RMDN1: variants seen among roughly 807,000 people sequenced by gnomAD.
RMDN1 encodes regulator of microtubule dynamics protein 1.
A neutral mutation model predicts 48.9 loss-of-function variants in RMDN1; 48 were observed. The ratio of observed to expected loss-of-function variants is 0.98; its 90% CI spans 0.78 to 1.25. The LOEUF (loss-of-function observed/expected upper bound fraction) is 1.25, where lower values mean the gene tolerates loss of function less well. Ranked by LOEUF, RMDN1 falls within the 50% of genes most tolerant of loss-of-function variation. RMDN1 has a pLI of 0.00. For synonymous variants in RMDN1, 148 were observed against 132.6 expected, an observed-to-expected ratio of 1.12 and a Z score of -0.80; for missense variants, 418 against 373.4, an observed-to-expected ratio of 1.12 and a Z score of -0.98.
At chr8:86,497,444 TG>T (rs1180998528) in intron 2 of RMDN1, among the ~76,000 whole-genome samples, 1 of 152,198 alleles carries the variant, frequency 6.6e-6, no homozygotes, top group African/African-American at 2.4e-5. Context: ...GGCACATGCC[TG>T]TAATCCTAGC....
At chr8:86,496,948 A>G (rs9942823) in intron 2 of RMDN1, among the ~76,000 whole-genome samples, 40,185 of 152,036 alleles carry the variant, frequency 0.26, 6,198 homozygotes, top group East Asian at 0.53. Context: ...GCACTCTCTC[A>G]GATCACAGCT....
intron 2 of RMDN1, among the ~76,000 whole-genome samples, chr8:86,501,790 T>C (rs1001204027): frequency 7.9e-5 from 12 of 152,166 alleles, no homozygotes; most frequent in African/African-American, 2.9e-4. Flanking sequence ...AACTATTTTA[T>C]AAGGCTGCTG....
At chr8:86,491,367 C>T (rs1416382305) in intron 2 of RMDN1, among the ~76,000 whole-genome samples, 1 of 151,978 alleles carries the variant, frequency 6.6e-6, no homozygotes, top group Admixed American at 6.5e-5. Flanking sequence ...ATGTCTTGAC[C>T]TCGTGGTCTG....
chr8:86,474,768 A>G, intron 9 of RMDN1, 52 bp downstream of exon 9: 1 of 1,543,154 alleles, frequency 6.5e-7, no homozygotes. Context: ...TTAATTCACC[A>G]TTTAATAGTG....
intron 2 of RMDN1, chr8:86,505,030 G>A (rs1819075852): frequency 2.0e-6 from 3 of 1,479,024 alleles, no homozygotes; most frequent in Admixed American, 1.9e-5. Context: ...GAGATGAACA[G>A]CATCCAGGCT....
At chr8:86,506,417 T>C (rs929130628) in intron 2 of RMDN1, among the ~76,000 whole-genome samples, 1 of 152,204 alleles carries the variant, frequency 6.6e-6, no homozygotes, top group African/African-American at 2.4e-5. Context: ...CATGTCACTG[T>C]GGTCCTATGC....
chr8:86,503,375 A>AAAC (rs1554594041), intron 2 of RMDN1, among the ~76,000 whole-genome samples: 2 of 87,184 alleles, frequency 2.3e-5, no homozygotes, highest in African/African-American at 1.6e-4. Flanking sequence ...ACAAAACAAA[A>AAAC]AAAAAAAAAA....
Position 86,486,604 on chromosome 8 carries a change from T to G in RMDN1, c.375A>C (p.Ser125=). The change falls in exon 4 of 10, where the codon TCA becomes TCC. Residue 125 remains serine (S), a synonymous_variant. Transcript: ENST00000406452. ...TTCTGCTAAGCTGAGCTACATCACG[T>G]GATGCCCGTGCCAAACGCCACAGTA... ...AELLWRLARA[S]RDVAQLSRTS... 1 of 1,608,602 alleles carries G rather than the reference T, an allele frequency of 6.2e-7. No individual in the cohort carries two copies. The highest frequency in any genetic ancestry group is 2.2e-5 in the East Asian group (1 of 44,820).
intron 2 of RMDN1, chr8:86,504,994 A>G (rs1218136986): frequency 6.8e-7 from 1 of 1,467,118 alleles, no homozygotes; most frequent in African/African-American, 1.4e-5. Context: ...CATGGTGCAG[A>G]TAGATCTGGG....
upstream of RMDN1, among the ~76,000 whole-genome samples, chr8:86,510,618 G>C (rs903676689): frequency 1.3e-5 from 2 of 152,190 alleles, no homozygotes; most frequent in African/African-American, 4.8e-5. Context: ...GCAACATCAA[G>C]AGAGATGATG....
intron 9 of RMDN1, chr8:86,474,607 T>C (rs1185735518): frequency 2.8e-6 from 2 of 720,834 alleles, no homozygotes; most frequent in Non-Finnish European, 5.0e-6. Flanking sequence ...AATTCTGCAT[T>C]GTAGCAGGCA....
chr8:86,471,657 G>A (rs917288162), downstream of RMDN1, among the ~76,000 whole-genome samples: 6 of 152,072 alleles, frequency 3.9e-5, no homozygotes, highest in Non-Finnish European at 5.9e-5. Context: ...TGTAAAATAA[G>A]GGATATGGAA....
At chr8:86,496,671 T>C (rs1817400897) in intron 2 of RMDN1, among the ~76,000 whole-genome samples, 1 of 152,174 alleles carries the variant, frequency 6.6e-6, no homozygotes, top group Non-Finnish European at 1.5e-5. Flanking sequence ...CAAAGAGACT[T>C]AGATAACCAC....
chr8:86,504,464 G>GA, intron 2 of RMDN1: 1 of 1,555,362 alleles, frequency 6.4e-7, no homozygotes, highest in Non-Finnish European at 8.9e-7. Flanking sequence ...TACTCAACAG[G>GA]AATCTTCAAG....
intron 9 of RMDN1, 79 bp from the exon 10 acceptor site, chr8:86,474,437 G>T (rs936283176): frequency 1.4e-5 from 17 of 1,240,138 alleles, no homozygotes; most frequent in Admixed American, 1.8e-5. Context: ...TATAAAGTGG[G>T]GTTTCTAAGA....
Position 86,508,685 on chromosome 8 carries a change from G to A in RMDN1, c.-65C>T, listed in dbSNP as rs879232454. 5.5e-6 allele frequency: 8 copies of A among 1,462,502 alleles called. No homozygotes were observed. Among genetic ancestry groups the A allele is most frequent in the African/African-American group, 1.5e-5 (1 of 67,612 alleles). The allele number at this position is 1,462,502 out of a possible 1,614,324, so 90.6% of individuals were successfully genotyped here. Reference sequence around the variant, plus strand: ...AGCTACGGAGGCGGGCGGGGCTAAAGGAGATTCAATCCTTCCGGAAAGAAC... The same window carrying A: ...AGCTACGGAGGCGGGCGGGGCTAAAAGAGATTCAATCCTTCCGGAAAGAAC... On this transcript the variant is annotated 5_prime_UTR_variant, in exon 1 of 10. Coordinates refer to ENST00000406452, the MANE Select transcript of RMDN1 (RefSeq NM_016033.3).
chr8:86,504,070 AGAATTCTGGTGGCCCAGATCTTTGGTCTG>A, intron 2 of RMDN1: 1 of 905,896 alleles, frequency 1.1e-6, no homozygotes, highest in Admixed American at 1.7e-5. Flanking sequence ...CATCATTGTC[AGAATTCTGGTGGCCCAGATCTTTGGTCTG>A]GAATTCAAAT....
intron 5 of RMDN1, among the ~76,000 whole-genome samples, chr8:86,484,394 C>T (rs140552177): frequency 5.9e-5 from 9 of 152,272 alleles, no homozygotes; most frequent in Admixed American, 2.0e-4. Context: ...AGTGCCACTG[C>T]GCTCAGTTAA....
At chr8:86,509,354 C>T (rs145191700), upstream of RMDN1, among the ~76,000 whole-genome samples, 34 of 152,158 alleles carry the variant, frequency 2.2e-4, no homozygotes, top group East Asian at 4.8e-3. Context: ...CTTACTCGAG[C>T]AAAGTATTTT....
Sources: gnomAD v4.1 joint callset for allele counts (sites outside exome capture counted in the v4.1 genomes callset) on GRCh38, gnomAD v4.1.1 for gene constraint, MANE v1.5 for transcripts, NCBI Gene and HGNC (gene_info 2026-07-23, HGNC 2026-07-21) for gene names.